Variants in AIG1 observed in about 807,000 individuals in gnomAD.
AIG1 encodes androgen-induced gene 1 protein.
AIG1 carries 23 observed loss-of-function variants against 31.4 expected under a neutral mutation model. The ratio of observed to expected loss-of-function variants is 0.73; its 90% CI spans 0.53 to 1.04. The LOEUF is 1.04. Ranked by LOEUF, AIG1 falls within the 50% of genes least tolerant of loss-of-function variation. The probability of loss-of-function intolerance (pLI) is 0.00; values close to 1 mark genes in which losing one functional copy is unlikely to be tolerated. For synonymous variants in AIG1, 100 were observed against 110.5 expected (o/e 0.90, Z 0.60); for missense variants, 274 against 295.0 (o/e 0.93, Z 0.52).
At position 143,336,610 on chromosome 6, in the gene AIG1, T is replaced by C. The variant is rs1777510817; in HGVS notation, c.680-3029T>C. Among the ~76,000 whole-genome samples, 3 of 152,200 alleles carry C rather than the reference T, an allele frequency of 2.0e-5. No individual in the cohort carries two copies. In the South Asian group the frequency reaches 6.2e-4, roughly 32 times the overall value. Reference sequence around the variant, plus strand: ...GGATTTCAGCATATGAATTTGGAAGTGGGGGACAGAGTTCAGCTCATAATA... The same window carrying C: ...GGATTTCAGCATATGAATTTGGAAGCGGGGGACAGAGTTCAGCTCATAATA... On this transcript the variant is annotated intron_variant, in intron 5 of 5. Transcript: ENST00000357847.
chr6:143,305,051 T>G (rs9484722), intron 4 of AIG1, among the ~76,000 whole-genome samples: 9,259 of 152,278 alleles, frequency 0.061, 751 homozygotes, highest in African/African-American at 0.18. Context: ...TAGTTTGTGT[T>G]TCTGTGGGAT....
chr6:143,140,570 G>A (rs1754855748), intron 2 of AIG1, among the ~76,000 whole-genome samples: 1 of 152,158 alleles, frequency 6.6e-6, no homozygotes, highest in South Asian at 2.1e-4. Context: ...TCTCCCTGGA[G>A]CAATGCCACA....
chr6:143,097,016 C>G (rs1779856405), intron 1 of AIG1, among the ~76,000 whole-genome samples: 1 of 152,096 alleles, frequency 6.6e-6, no homozygotes. Context: ...ATATGTGAAC[C>G]AATATCTGGT....
intron 1 of AIG1, among the ~76,000 whole-genome samples, chr6:143,136,522 G>A (rs1458254443): frequency 6.6e-6 from 1 of 152,150 alleles, no homozygotes; most frequent in African/African-American, 2.4e-5. Flanking sequence ...TAGACATGAT[G>A]CTTTAAAATA....
chr6:143,249,220 G>T (rs902445481), intron 3 of AIG1, among the ~76,000 whole-genome samples: 1 of 152,222 alleles, frequency 6.6e-6, no homozygotes, highest in Non-Finnish European at 1.5e-5. Flanking sequence ...CCTTTGACTT[G>T]TACACCTTCT....
At position 143,333,852 on chromosome 6, in the gene AIG1, C is replaced by T. The variant is rs1231454031; in HGVS notation, c.679+407C>T. On this transcript the variant is annotated intron_variant, in intron 5 of 5. Coordinates refer to ENST00000357847, the MANE Select transcript of AIG1 (RefSeq NM_016108.4). This position sits in a 1 kb window ranked among gnomAD's most constrained non-coding sequence, Gnocchi z 4.6. ...CAATCTCCTTTAAAGTCACCCAGAT[C>T]TCCACTTTCTATGTGGGTGCAGTCA... is the stretch of plus-strand genomic sequence containing the variant. 1.3e-5 allele frequency among the ~76,000 whole-genome samples: 2 copies of T among 152,124 alleles called. No homozygotes were observed. The highest frequency in any genetic ancestry group is 4.8e-5 in the African/African-American group (2 of 41,430).
intron 3 of AIG1, among the ~76,000 whole-genome samples, chr6:143,168,432 A>AG (rs1430251599): frequency 4.1e-5 from 5 of 120,852 alleles, no homozygotes; most frequent in Admixed American, 2.0e-4. Flanking sequence ...AACAGGCCCC[A>AG]GTGTGTGATG....
chr6:143,334,020 G>C lies in AIG1; in HGVS notation c.679+575G>C, dbSNP rs1438863377. 3.3e-5 allele frequency: 51 copies of C among 1,534,472 alleles called. No homozygotes were observed. Among genetic ancestry groups the C allele is most frequent in the Non-Finnish European group, 4.4e-5 (50 of 1,134,932 alleles). On this transcript the variant is annotated intron_variant, in intron 5 of 5. Transcript: ENST00000357847. This position sits in a 1 kb window ranked among gnomAD's most constrained non-coding sequence, Gnocchi z 5.1. ...AAGCAGTAAAAGATAATATTTCGTG[G>C]CTGGAAAAACTCTTTTAACCTGTGA...
intron 1 of AIG1, chr6:143,061,604 T>C (rs184633683): frequency 2.3e-4 from 67 of 289,578 alleles, no homozygotes; most frequent in African/African-American, 1.3e-3. Context: ...CATCTGTTTT[T>C]TTCCCCCATT....
At chr6:143,207,343 TA>T (rs201745421) in intron 3 of AIG1, among the ~76,000 whole-genome samples, 6 of 151,226 alleles carry the variant, frequency 4.0e-5, no homozygotes, top group African/African-American at 9.7e-5. Context: ...TCCTTTCCAT[TA>T]AAAAAAAATC....
chr6:143,204,118 C>G (rs1790916905), intron 3 of AIG1, among the ~76,000 whole-genome samples: 1 of 152,100 alleles, frequency 6.6e-6, no homozygotes. Context: ...GGGCCCTGTT[C>G]CAGTATCCAC....
At chr6:143,300,821 C>T (rs1358762234) in intron 4 of AIG1, among the ~76,000 whole-genome samples, 1 of 152,144 alleles carries the variant, frequency 6.6e-6, no homozygotes, top group African/African-American at 2.4e-5. Context: ...AATGAATTTT[C>T]CATGAAGAAG....
chr6:143,216,380 G>A (rs1792031616), intron 3 of AIG1, among the ~76,000 whole-genome samples: 2 of 152,198 alleles, frequency 1.3e-5, no homozygotes, highest in South Asian at 4.1e-4. Context: ...GAGGATGGAG[G>A]ACAAAAGGCA....
Position 143,297,330 on chromosome 6 carries a change from C to T in AIG1, c.515+13105C>T, listed in dbSNP as rs1333191971. On this transcript the variant is annotated intron_variant, in intron 4 of 5. Transcript: ENST00000357847. This position sits in a 1 kb window ranked among gnomAD's most constrained non-coding sequence, Gnocchi z 5.1. ...GCACCTGGACCCATTGACATTTTGC[C>T]CTCCTCCTGTCACTGCAATATATAT... 6.6e-6 allele frequency among the ~76,000 whole-genome samples: 1 copy of T among 152,194 alleles called. No individual in the cohort carries two copies. The highest frequency in any genetic ancestry group is 2.1e-4 in the South Asian group (1 of 4,830).
In AIG1 at chr6:143,339,853, C is replaced by A; in HGVS notation, c.*177C>A. The A allele has an allele frequency of 2.1e-6, 1 of 469,274 alleles. No homozygotes were observed. The highest frequency in any genetic ancestry group is 3.7e-6 in the Non-Finnish European group (1 of 273,780). The allele number at this position is 469,274 out of a possible 1,614,324, so 29.1% of individuals were successfully genotyped here. A position where few individuals can be genotyped will look rare whatever the true frequency, so the allele number is the denominator to read the frequency against. On this transcript the variant is annotated 3_prime_UTR_variant, in exon 6 of 6. Transcript: ENST00000357847. ...TATAAACATAGAATACAGTTGTTTC[C>A]AAAAGAACTCACCCTCACTGTGTGT...
chr6:143,245,030 C>T (rs6933808), intron 3 of AIG1, among the ~76,000 whole-genome samples: 83,888 of 152,050 alleles, frequency 0.55, 24,433 homozygotes, highest in East Asian at 0.92. Context: ...GTCACTAAAT[C>T]AGCATCATTA....
chr6:143,269,059 TC>T (rs146620988), intron 3 of AIG1, among the ~76,000 whole-genome samples: 14,802 of 152,278 alleles, frequency 0.097, 770 homozygotes, highest in South Asian at 0.17. Flanking sequence ...AGGCCCTTGT[TC>T]AGACTGCATT....
intron 3 of AIG1, among the ~76,000 whole-genome samples, chr6:143,205,360 T>C (rs1791031631): frequency 6.6e-6 from 1 of 152,196 alleles, no homozygotes; most frequent in South Asian, 2.1e-4. Flanking sequence ...GCAGTGACCA[T>C]GGCTTGGCTC....
Position 143,060,916 on chromosome 6 carries a change from T to G in AIG1, c.-10T>G. 1 of 1,600,760 alleles carries G rather than the reference T, an allele frequency of 6.2e-7. No homozygotes were observed. Among genetic ancestry groups the G allele is most frequent in the Non-Finnish European group, 8.5e-7 (1 of 1,175,058 alleles). ...CCTTGCCGCCCAGCCGGTCCAGGCC[T>G]CTGGCGAACATGGCGCTTGTCCCCT... On this transcript the variant is annotated 5_prime_UTR_variant, in exon 1 of 6. Transcript: ENST00000357847.
Sources: gnomAD v4.1 joint callset for allele counts (sites outside exome capture counted in the v4.1 genomes callset) on GRCh38, gnomAD v4.1.1 for gene constraint, Gnocchi (gnomAD v3.1) non-coding constraint, MANE v1.5 for transcripts, NCBI Gene and HGNC (gene_info 2026-07-23, HGNC 2026-07-21) for gene names.